Variants in LRRTM4 observed in about 807,000 individuals in gnomAD.
The protein encoded by LRRTM4 is leucine-rich repeat transmembrane neuronal protein 4.
In LRRTM4, 25 loss-of-function variants were observed where a neutral mutation model predicts 47.6. That is an observed-to-expected ratio of 0.53 (90% CI 0.38 to 0.73). The LOEUF (loss-of-function observed/expected upper bound fraction) is 0.73, where lower values mean the gene tolerates loss of function less well. Among genes scored for constraint, LRRTM4 ranks in the 30% least tolerant of loss-of-function variants. The pLI is 0.00. For synonymous variants in LRRTM4, 311 were observed against 269.5 expected, an observed-to-expected ratio of 1.15 and a Z score of -1.51; for missense variants, 638 against 713.4, an observed-to-expected ratio of 0.89 and a Z score of 1.20.
intron 3 of LRRTM4, among the ~76,000 whole-genome samples, chr2:77,145,801 A>AAATAAATAAATAAATC (rs1672244210): frequency 6.6e-6 from 1 of 151,158 alleles, no homozygotes; most frequent in African/African-American, 2.4e-5. Flanking sequence ...ATAAATAAAT[A>AAATAAATAAATAAATC]AATAAAATAA....
intron 3 of LRRTM4, among the ~76,000 whole-genome samples, chr2:77,464,336 A>G (rs1255351466): frequency 6.6e-6 from 1 of 152,106 alleles, no homozygotes; most frequent in Non-Finnish European, 1.5e-5. Flanking sequence ...TTGGTTTAAG[A>G]CAGTACTGTC....
intron 3 of LRRTM4, among the ~76,000 whole-genome samples, chr2:76,764,670 T>C (rs540688244): frequency 2.0e-5 from 3 of 152,100 alleles, no homozygotes; most frequent in East Asian, 3.9e-4. Context: ...TTATATAAAC[T>C]GAAACACTGC....
intron 3 of LRRTM4, among the ~76,000 whole-genome samples, chr2:77,308,113 T>G (rs1221244184): frequency 7.2e-6 from 1 of 138,768 alleles, no homozygotes; most frequent in Non-Finnish European, 1.5e-5. Context: ...ATGTTATATA[T>G]TATTTATATA....
intron 3 of LRRTM4, among the ~76,000 whole-genome samples, chr2:77,475,700 A>G (rs1005617103): frequency 2.0e-5 from 3 of 151,730 alleles, no homozygotes; most frequent in African/African-American, 7.2e-5. Context: ...AAAAATTCCC[A>G]TTGTCCTATT....
At position 77,103,673 on chromosome 2, in the gene LRRTM4, A is replaced by ATATATATATATATC. The variant is rs1671020692; in HGVS notation, c.1552-354758_1552-354757insGATATATATATATA. On this transcript the variant is annotated intron_variant, in intron 3 of 3. Transcript: ENST00000409884. ...TATATATATATATATAGATATATAT[A>ATATATATATATATC]TCACATATATGTATATATACATAGG... Among the ~76,000 whole-genome samples, 3 of 147,858 alleles carry ATATATATATATATC rather than the reference A, an allele frequency of 2.0e-5. No homozygotes were observed. The South Asian group carries it at 6.3e-4, about 31-fold the overall frequency.
At chr2:77,373,625 A>G (rs1302447237) in intron 3 of LRRTM4, among the ~76,000 whole-genome samples, 1 of 151,818 alleles carries the variant, frequency 6.6e-6, no homozygotes, top group Non-Finnish European at 1.5e-5. Context: ...ATGGGATATC[A>G]AAAATAGGAA....
At chr2:77,207,290 A>T (rs1369069130) in intron 3 of LRRTM4, among the ~76,000 whole-genome samples, 1 of 146,364 alleles carries the variant, frequency 6.8e-6, no homozygotes, top group Non-Finnish European at 1.5e-5. Flanking sequence ...ATGTGTGTGT[A>T]TATATATACG....
intron 3 of LRRTM4, among the ~76,000 whole-genome samples, chr2:76,807,397 T>C (rs1470388413): frequency 8.3e-6 from 1 of 120,548 alleles, no homozygotes; most frequent in Non-Finnish European, 1.6e-5. Context: ...TATATATATA[T>C]ATGTATATAC....
At chr2:77,512,514 CAA>C (rs1679059568) in intron 3 of LRRTM4, among the ~76,000 whole-genome samples, 1 of 152,012 alleles carries the variant, frequency 6.6e-6, no homozygotes, top group African/African-American at 2.4e-5. Context: ...TTTCACTGAT[CAA>C]AAGACATACT....
chr2:77,408,691 T>A (rs1227494317), intron 3 of LRRTM4, among the ~76,000 whole-genome samples: 9 of 152,206 alleles, frequency 5.9e-5, no homozygotes, highest in Non-Finnish European at 1.0e-4. Flanking sequence ...TGTCAAGCTC[T>A]GATTCCCCAT....
At chr2:77,212,377 C>CAT (rs1247327803) in intron 3 of LRRTM4, among the ~76,000 whole-genome samples, 14 of 147,270 alleles carry the variant, frequency 9.5e-5, no homozygotes, top group African/African-American at 3.0e-4. Context: ...TATATAGTGT[C>CAT]ATATATATAT....
intron 3 of LRRTM4, among the ~76,000 whole-genome samples, chr2:77,179,920 G>C (rs751860943): frequency 2.6e-5 from 4 of 152,018 alleles, no homozygotes; most frequent in African/African-American, 4.8e-5. Flanking sequence ...AAATACATAA[G>C]TGTATTGTAT....
chr2:77,424,849 A>G (rs1202817142), intron 3 of LRRTM4, among the ~76,000 whole-genome samples: 1 of 152,226 alleles, frequency 6.6e-6, no homozygotes, highest in Non-Finnish European at 1.5e-5. Context: ...ATCCTTATAG[A>G]TGACAAAGGC....
intron 3 of LRRTM4, among the ~76,000 whole-genome samples, chr2:77,117,207 T>G (rs1671410723): frequency 6.7e-6 from 1 of 149,594 alleles, no homozygotes; most frequent in African/African-American, 2.6e-5. Context: ...ACATTAGATT[T>G]ATTTTTGACT....
Position 77,082,443 on chromosome 2 carries a change from T to A in LRRTM4, c.1552-333527A>T, listed in dbSNP as rs546198597. ...GAAACAAATATTAATTTTAAATAAA[T>A]TTAGAAACAACGTTTATGGTAAATT... On this transcript the variant is annotated intron_variant, in intron 3 of 3. Transcript: ENST00000409884. 7.9e-5 allele frequency among the ~76,000 whole-genome samples: 12 copies of A among 152,216 alleles called. No homozygotes were observed. The South Asian group carries it at 1.0e-3, about 13-fold the overall frequency.
chr2:77,214,070 T>C (rs1674370263), intron 3 of LRRTM4, among the ~76,000 whole-genome samples: 1 of 152,154 alleles, frequency 6.6e-6, no homozygotes, highest in Non-Finnish European at 1.5e-5. Context: ...AGCTTAAACA[T>C]TGAGTCTAAA....
intron 3 of LRRTM4, among the ~76,000 whole-genome samples, chr2:77,368,409 T>C (rs920851791): frequency 6.6e-6 from 1 of 151,722 alleles, no homozygotes; most frequent in Non-Finnish European, 1.5e-5. Context: ...TGAGGTACCA[T>C]GAGGTACTCC....
At chr2:76,870,806 T>C (rs1228705162) in intron 3 of LRRTM4, among the ~76,000 whole-genome samples, 2 of 152,200 alleles carry the variant, frequency 1.3e-5, no homozygotes, top group Non-Finnish European at 2.9e-5. Flanking sequence ...CCTATGCTTA[T>C]CATATAAATG....
At chr2:76,944,756 C>T (rs545680715) in intron 3 of LRRTM4, among the ~76,000 whole-genome samples, 9 of 152,018 alleles carry the variant, frequency 5.9e-5, no homozygotes, top group Non-Finnish European at 1.3e-4. Flanking sequence ...GAGAAGTGTC[C>T]TTCTCAACTT....
Sources: gnomAD v4.1 joint callset for allele counts (sites outside exome capture counted in the v4.1 genomes callset) on GRCh38, gnomAD v4.1.1 for gene constraint, MANE v1.5 for transcripts, NCBI Gene and HGNC (gene_info 2026-07-23, HGNC 2026-07-21) for gene names.